Variants in ATM observed in about 807,000 individuals in gnomAD.
ATM encodes serine-protein kinase ATM.
A neutral mutation model predicts 387.0 loss-of-function variants in ATM; 308 were observed. The ratio of observed to expected loss-of-function variants is 0.80; its 90% CI spans 0.73 to 0.87. The LOEUF (loss-of-function observed/expected upper bound fraction) is 0.87, where lower values mean the gene tolerates loss of function less well. ATM is among the 40% of genes least tolerant of loss of function. The probability of loss-of-function intolerance (pLI) is 0.00; values close to 1 mark genes in which losing one functional copy is unlikely to be tolerated. For missense variants in ATM, 3,312 were observed against 3,560.9 expected (o/e 0.93, Z 1.78); for synonymous variants, 1,156 against 1,187.3 (o/e 0.97, Z 0.54).
At chr11:108,319,433 A>T (rs1426102020) in intron 43 of ATM, among the ~76,000 whole-genome samples, 1 of 152,104 alleles carries the variant, frequency 6.6e-6, no homozygotes, top group Non-Finnish European at 1.5e-5. Flanking sequence ...CCCAGTTACC[A>T]TGCGGGTGGC....
At chr11:108,233,121 C>T (rs687647) in intron 4 of ATM, among the ~76,000 whole-genome samples, 5 of 152,226 alleles carry the variant, frequency 3.3e-5, no homozygotes, top group African/African-American at 1.2e-4. Flanking sequence ...CTTGTCATCC[C>T]AAACTGCTGG....
At chr11:108,336,809 G>A (rs2086907983) in intron 56 of ATM, among the ~76,000 whole-genome samples, 1 of 152,096 alleles carries the variant, frequency 6.6e-6, no homozygotes, top group African/African-American at 2.4e-5. Flanking sequence ...ACAATCCTCA[G>A]TCACATTCTA....
At chr11:108,355,703 A>G (rs2089825723) in intron 61 of ATM, 1 of 152,256 alleles carries the variant, frequency 6.6e-6, no homozygotes, top group Admixed American at 6.5e-5. Flanking sequence ...GATGCTGATC[A>G]AATTCAAACC....
intron 61 of ATM, among the ~76,000 whole-genome samples, chr11:108,364,199 T>A (rs1440717317): frequency 6.6e-6 from 1 of 152,316 alleles, no homozygotes; most frequent in South Asian, 2.1e-4. Flanking sequence ...ACTGAGAAAC[T>A]GTATACAGAT....
Position 108,367,826 on chromosome 11 carries a change from C to G in ATM, c.*2318C>G. On this transcript the variant is annotated 3_prime_UTR_variant, in exon 63 of 63. Transcript: ENST00000675843. ...TTTGCATTTCAAATTACAAACTTAC[C>G]TTGGTGTATCTTTTTCTTACAAGCT... The G allele has an allele frequency of 4.8e-6, 1 of 208,624 alleles. No individual in the cohort carries two copies. The highest frequency in any genetic ancestry group is 9.8e-6 in the Non-Finnish European group (1 of 102,364). 12.9% of individuals were successfully genotyped at this position (208,624 alleles called of 1,614,324 possible). A position where few individuals can be genotyped will look rare whatever the true frequency, so the allele number is the denominator to read the frequency against.
chr11:108,326,365 T>G lies in ATM; in HGVS notation c.6975+140T>G, dbSNP rs564180883. The stretch of plus-strand genomic sequence containing the variant: ...TAACAAGATATTGTAAAACTAGTCT[T>G]GAAAATTAATTTGTAAATGAAGTTT... On this transcript the variant is annotated intron_variant, in intron 47 of 62. Coordinates refer to ENST00000675843, the MANE Select transcript of ATM (RefSeq NM_000051.4). 91 of 1,200,542 alleles carry G rather than the reference T, an allele frequency of 7.6e-5. No individual in the cohort carries two copies. The African/African-American group carries it at 1.4e-3, about 18-fold the overall frequency. 74.4% of individuals were successfully genotyped at this position (1,200,542 alleles called of 1,614,324 possible).
intron 29 of ATM, 25 bp from the exon 30 acceptor site, chr11:108,292,594 T>C (rs772269043): frequency 1.6e-5 from 25 of 1,611,926 alleles, no homozygotes; most frequent in African/African-American, 2.7e-5. Context: ...CTGGTTGTTG[T>C]TGTTTTTTTT....
In ATM at chr11:108,366,573, C is replaced by T. The variant is rs1395224478; in HGVS notation, c.*1065C>T. 4.3e-6 allele frequency: 1 copy of T among 229,908 alleles called. No individual in the cohort carries two copies. Among genetic ancestry groups the T allele is most frequent in the Admixed American group, 5.7e-5 (1 of 17,636 alleles). 14.2% of individuals were successfully genotyped at this position (229,908 alleles called of 1,614,324 possible). A position where few individuals can be genotyped will look rare whatever the true frequency, so the allele number is the denominator to read the frequency against. ...GAGTTTATTTTCAGCAAGGCTTTAT[C>T]TATGGGAATCTTGAGTGTCTGTTTA... On this transcript the variant is annotated 3_prime_UTR_variant, in exon 63 of 63. Transcript: ENST00000675843.
At chr11:108,294,545 G>T (rs901167804) in intron 31 of ATM, among the ~76,000 whole-genome samples, 5 of 152,174 alleles carry the variant, frequency 3.3e-5, no homozygotes, top group Non-Finnish European at 2.9e-5. Context: ...TTCGAGACCA[G>T]CCTGGCCAAC....
chr11:108,345,261 TGGAA>T (rs2088178650), intron 57 of ATM, among the ~76,000 whole-genome samples: 2 of 152,156 alleles, frequency 1.3e-5, no homozygotes, highest in Non-Finnish European at 2.9e-5. Context: ...AGCACATAGA[TGGAA>T]GGGAGTTGAA....
At chr11:108,321,701 T>C (rs889860952) in intron 45 of ATM, among the ~76,000 whole-genome samples, 1 of 151,740 alleles carries the variant, frequency 6.6e-6, no homozygotes, top group African/African-American at 2.4e-5. Context: ...GAAAATTGCT[T>C]GAACCCAGCA....
chr11:108,354,621 A>G (rs562685458), intron 60 of ATM, among the ~76,000 whole-genome samples, 190 bp from the exon 61 acceptor site: 2 of 152,346 alleles, frequency 1.3e-5, no homozygotes, highest in Non-Finnish European at 2.9e-5. Flanking sequence ...AAATAGTCAA[A>G]TACATATTTG....
At chr11:108,241,187 A>G (rs752623193) in intron 5 of ATM, among the ~76,000 whole-genome samples, 8 of 152,214 alleles carry the variant, frequency 5.3e-5, no homozygotes, top group Non-Finnish European at 7.3e-5. Context: ...CTTCAGGGAC[A>G]TGCACAGAGC....
At chr11:108,266,973 TTAAA>T (rs1452710531) in intron 16 of ATM, among the ~76,000 whole-genome samples, 194 bp from the exon 17 acceptor site, 4 of 151,924 alleles carry the variant, frequency 2.6e-5, no homozygotes, top group African/African-American at 9.7e-5. Flanking sequence ...TTTTTGTATT[TTAAA>T]TAGAGACAAG....
At chr11:108,263,776 C>A (rs1379522734) in intron 16 of ATM, among the ~76,000 whole-genome samples, 8 of 148,620 alleles carry the variant, frequency 5.4e-5, no homozygotes, top group African/African-American at 2.0e-4. Flanking sequence ...CAAATAGACG[C>A]AATAAAAAAT....
intron 56 of ATM, among the ~76,000 whole-genome samples, chr11:108,342,395 A>G (rs2087696640): frequency 6.6e-6 from 1 of 152,250 alleles, no homozygotes; most frequent in Non-Finnish European, 1.5e-5. Flanking sequence ...AGTATTGAAT[A>G]AAAAACCAAA....
chr11:108,366,311 A>G lies in ATM; in HGVS notation c.*803A>G, dbSNP rs1206398541. 1 of 210,612 alleles carries G rather than the reference A, an allele frequency of 4.7e-6. No individual in the cohort carries two copies. The highest frequency in any genetic ancestry group is 7.2e-5 in the East Asian group (1 of 13,874). The allele number at this position is 210,612 out of a possible 1,614,324, so 13.0% of individuals were successfully genotyped here. On this transcript the variant is annotated 3_prime_UTR_variant, in exon 63 of 63. Transcript: ENST00000675843. ...GTATATAATCTCTTTTACCCTATCC[A>G]TTGGGCTTCTTCTTTCAGAAATTGT...
At chr11:108,298,588 T>C (rs1417769598) in intron 33 of ATM, among the ~76,000 whole-genome samples, 1 of 152,174 alleles carries the variant, frequency 6.6e-6, no homozygotes, top group African/African-American at 2.4e-5. Flanking sequence ...TAGCATAAAA[T>C]TAATGTGGTT....
At position 108,247,058 on chromosome 11, in the gene ATM, T is replaced by C. The variant is rs1476261420; in HGVS notation, c.996T>C (p.Tyr332=). ...GTCATATAGGAAGTAGAGGAAAGTATTCTTCAGGATTTCGTAATATTGCCG... is the reference window on the plus strand; with the variant it reads ...GTCATATAGGAAGTAGAGGAAAGTACTCTTCAGGATTTCGTAATATTGCCG... ...EISHIGSRGK[Y]SSGFRNIAVK... Residue 332 remains tyrosine (Y), a synonymous_variant, in exon 8 of 63, where the codon TAT becomes TAC. Coordinates refer to ENST00000675843, the MANE Select transcript of ATM (RefSeq NM_000051.4). The C allele has an allele frequency of 1.2e-6, 2 of 1,613,848 alleles. No individual in the cohort carries two copies. Among genetic ancestry groups the C allele is most frequent in the Non-Finnish European group, 1.7e-6 (2 of 1,179,914 alleles).
Sources: allele counts gnomAD v4.1 joint callset (sites outside exome capture counted in the v4.1 genomes callset), GRCh38; gene constraint gnomAD v4.1.1; transcripts MANE v1.5; gene names NCBI Gene and HGNC (gene_info 2026-07-23, HGNC 2026-07-21).